Variants in CUL2 observed in about 807,000 individuals in gnomAD.
The protein encoded by CUL2 is cullin-2.
CUL2 carries 22 observed loss-of-function variants against 110.2 expected under a neutral mutation model. The ratio of observed to expected loss-of-function variants is 0.20; its 90% confidence interval spans 0.14 to 0.28. The LOEUF is 0.28. Among genes scored for constraint, CUL2 ranks in the 10% least tolerant of loss-of-function variants. The pLI, the probability that CUL2 is intolerant of heterozygous loss-of-function variation, is 1.00. For synonymous variants in CUL2, 279 were observed against 293.2 expected, an observed-to-expected ratio of 0.95 and a Z score of 0.49; for missense variants, 631 against 905.5, an observed-to-expected ratio of 0.70 and a Z score of 3.89.
At chr10:35,114,104 A>C (rs1360254542) in intron 1 of CUL2, among the ~76,000 whole-genome samples, 2 of 147,024 alleles carry the variant, frequency 1.4e-5, no homozygotes, top group Non-Finnish European at 1.5e-5. Context: ...TGGTATCTTT[A>C]GTTGAGACGG....
chr10:35,112,446 G>C (rs1165015422), intron 1 of CUL2, among the ~76,000 whole-genome samples: 1 of 152,206 alleles, frequency 6.6e-6, no homozygotes, highest in Non-Finnish European at 1.5e-5. Flanking sequence ...CAGGTAAAGG[G>C]AACCCAGACA....
At chr10:35,125,834 CTTTT>C (rs1265335774) in intron 1 of CUL2, among the ~76,000 whole-genome samples, 1 of 152,120 alleles carries the variant, frequency 6.6e-6, no homozygotes, top group African/African-American at 2.4e-5. Context: ...TATCCCATTA[CTTTT>C]TTTATTTTTG....
At chr10:35,044,712 A>G in intron 7 of CUL2, 36 bp from the exon 8 acceptor site, 1 of 1,583,298 alleles carries the variant, frequency 6.3e-7, no homozygotes, top group Middle Eastern at 1.7e-4. Flanking sequence ...AGAAGAAATT[A>G]GAACAAGCAG....
At chr10:35,107,731 A>C (rs1189478428) in intron 1 of CUL2, among the ~76,000 whole-genome samples, 7 of 151,690 alleles carry the variant, frequency 4.6e-5, no homozygotes, top group Non-Finnish European at 1.0e-4. Context: ...AAATACAAAA[A>C]ATTAGCCAGG....
chr10:35,025,080 T>G, intron 17 of CUL2, 52 bp downstream of exon 17: 1 of 1,434,548 alleles, frequency 7.0e-7, no homozygotes, highest in Non-Finnish European at 9.2e-7. Flanking sequence ...TCTAAATTAA[T>G]ATAATCATCA....
Position 35,013,751 on chromosome 10 carries a change from C to T in CUL2, c.1937G>A (p.Ser646Asn). The change falls in exon 19 of 21, where the codon AGT becomes AAT. Residue 646 changes from serine (S) to asparagine (N), a missense_variant. Ser to Asn is a conservative substitution (Grantham distance 46). This residue lies in a region of CUL2 where 159 missense variants were observed against 202.7 expected (regional missense o/e 0.78). Coordinates refer to ENST00000374749, the MANE Select transcript of CUL2 (RefSeq NM_003591.4). ...SSFSLNMNFS[S>N]KRTKFKITTS... ...AGTAATTTTAAATTTTGTTCTTTTA[C>T]TGCTAAAGTTCATATTTAATGAAAA... 1.3e-6 allele frequency: 2 copies of T among 1,561,070 alleles called. No homozygotes were observed. The highest frequency in any genetic ancestry group is 1.7e-6 in the Non-Finnish European group (2 of 1,146,600).
intron 3 of CUL2, among the ~76,000 whole-genome samples, chr10:35,062,041 T>G (rs1250584529): frequency 6.6e-6 from 1 of 152,172 alleles, no homozygotes; most frequent in Non-Finnish European, 1.5e-5. Flanking sequence ...GTTAAGTGAG[T>G]TGCCCGTGGT....
intron 1 of CUL2, among the ~76,000 whole-genome samples, chr10:35,077,995 T>G (rs962403733): frequency 1.3e-5 from 2 of 152,106 alleles, no homozygotes; most frequent in Admixed American, 6.6e-5. Context: ...TGTATGTGTT[T>G]ACAATTTTCC....
intron 1 of CUL2, chr10:35,126,551 G>A (rs965380152): frequency 6.6e-6 from 1 of 152,592 alleles, no homozygotes; most frequent in African/African-American, 2.4e-5. Flanking sequence ...CTGGACAGAG[G>A]TGAGACGCTC....
chr10:35,061,033 A>G (rs1019827305), intron 3 of CUL2, 65 bp from the exon 4 acceptor site: 2 of 1,468,058 alleles, frequency 1.4e-6, no homozygotes, highest in African/African-American at 1.4e-5. Context: ...CAACAATAAA[A>G]TGTATCAAAA....
At chr10:35,121,489 C>A (rs1418183804) in intron 1 of CUL2, among the ~76,000 whole-genome samples, 1 of 152,118 alleles carries the variant, frequency 6.6e-6, no homozygotes, top group African/African-American at 2.4e-5. Flanking sequence ...CTAATGTATT[C>A]TTCTTCACAA....
chr10:35,076,848 G>A (rs943144044), intron 1 of CUL2, among the ~76,000 whole-genome samples: 5 of 152,018 alleles, frequency 3.3e-5, no homozygotes, highest in African/African-American at 4.8e-5. Context: ...TCAGGAGTTC[G>A]AGATCAGCTG....
At chr10:35,078,444 C>T (rs1335119310) in intron 1 of CUL2, among the ~76,000 whole-genome samples, 3 of 151,908 alleles carry the variant, frequency 2.0e-5, no homozygotes, top group East Asian at 3.9e-4. Context: ...TACAGGCTTG[C>T]GCCACCACAC....
chr10:35,074,984 G>A (rs1033556503), intron 1 of CUL2, among the ~76,000 whole-genome samples: 11 of 152,098 alleles, frequency 7.2e-5, no homozygotes, highest in African/African-American at 1.4e-4. Flanking sequence ...CCTCACATTC[G>A]CTTTCTCCTC....
chr10:35,043,340 A>G (rs2085843961), intron 8 of CUL2, among the ~76,000 whole-genome samples: 1 of 151,494 alleles, frequency 6.6e-6, no homozygotes, highest in Admixed American at 6.6e-5. Context: ...AGAGCTTAGA[A>G]CCACTGATCT....
intron 18 of CUL2, 72 bp from the exon 19 acceptor site, chr10:35,013,872 T>G: frequency 1.6e-5 from 17 of 1,093,300 alleles, no homozygotes; most frequent in Non-Finnish European, 2.0e-5. Flanking sequence ...TGCAAGCAAT[T>G]CTGCTAAATT....
chr10:35,010,483 C>A, intron 20 of CUL2, 41 bp from the exon 21 acceptor site: 1 of 1,566,444 alleles, frequency 6.4e-7, no homozygotes, highest in South Asian at 1.2e-5. Flanking sequence ...GCCAGTTCTT[C>A]AGCTATTAAG....
intron 2 of CUL2, among the ~76,000 whole-genome samples, chr10:35,064,902 T>C (rs2134948236): frequency 6.6e-6 from 1 of 152,294 alleles, no homozygotes; most frequent in African/African-American, 2.4e-5. Flanking sequence ...ATCTCCAGCT[T>C]AAGGAGAAAG....
chr10:35,073,743 T>G (rs1233317203), intron 1 of CUL2, among the ~76,000 whole-genome samples: 1 of 152,094 alleles, frequency 6.6e-6, no homozygotes, highest in African/African-American at 2.4e-5. Flanking sequence ...TAGCTGAGAT[T>G]ACAGGCGTCT....
Sources: gnomAD v4.1 joint callset for allele counts (sites outside exome capture counted in the v4.1 genomes callset) on GRCh38, gnomAD v4.1.1 for gene constraint, gnomAD v4.1.1 regional missense constraint, MANE v1.5 for transcripts, NCBI Gene and HGNC (gene_info 2026-07-23, HGNC 2026-07-21) for gene names.